The following AFDN variants were observed in gnomAD, a reference collection of about 807,000 sequenced individuals.
AFDN encodes afadin.
Under a neutral mutation model 216.6 loss-of-function variants are expected in AFDN, and 68 were observed. That is an observed-to-expected ratio of 0.31 (90% CI 0.26 to 0.38). AFDN has a LOEUF of 0.38. Among genes scored for constraint, AFDN ranks in the 10% least tolerant of loss-of-function variants. The pLI, the probability that AFDN is intolerant of heterozygous loss-of-function variation, is 1.00. For missense variants in AFDN, 2,136 were observed against 2,342.0 expected (o/e 0.91, Z 1.82); for synonymous variants, 868 against 853.7 (o/e 1.02, Z -0.29).
intron 4 of AFDN, among the ~76,000 whole-genome samples, chr6:167,874,404 G>A (rs1785114370): frequency 6.6e-6 from 1 of 151,986 alleles, no homozygotes; most frequent in Non-Finnish European, 1.5e-5. Context: ...TTTAAAGTAT[G>A]TTTACCAAAA....
chr6:167,856,680 C>T (rs1669282560), intron 1 of AFDN, among the ~76,000 whole-genome samples: 1 of 152,080 alleles, frequency 6.6e-6, no homozygotes, highest in African/African-American at 2.4e-5. Context: ...CATACTGTCT[C>T]ATTTAATTCT....
chr6:167,956,695 C>A (rs1796554692), intron 30 of AFDN, among the ~76,000 whole-genome samples: 1 of 152,218 alleles, frequency 6.6e-6, no homozygotes, highest in Admixed American at 6.5e-5. Context: ...TCAGCCTTCC[C>A]CATTTCAGCT....
chr6:167,939,574 C>T (rs538965804), intron 23 of AFDN, among the ~76,000 whole-genome samples: 2 of 152,294 alleles, frequency 1.3e-5, no homozygotes, highest in East Asian at 3.9e-4. Context: ...AGGTGTTTGT[C>T]TGGTTTGTTC....
intron 1 of AFDN, among the ~76,000 whole-genome samples, chr6:167,849,167 A>C (rs938968816): frequency 6.6e-6 from 1 of 152,228 alleles, no homozygotes; most frequent in African/African-American, 2.4e-5. Flanking sequence ...TAGATAACGC[A>C]TAAAAAGTAC....
intron 30 of AFDN, among the ~76,000 whole-genome samples, chr6:167,956,284 A>G (rs1018742538): frequency 2.0e-5 from 3 of 152,050 alleles, no homozygotes; most frequent in African/African-American, 7.2e-5. Flanking sequence ...TTCTTAAGAT[A>G]TTTTCTTAGA....
chr6:167,953,793 C>T (rs1401543890), intron 30 of AFDN, among the ~76,000 whole-genome samples: 2 of 152,158 alleles, frequency 1.3e-5, no homozygotes, highest in African/African-American at 4.8e-5. Context: ...CCTGGGTGCA[C>T]TAAGATGGAT....
At chr6:167,957,827 T>C (rs2340911) in intron 30 of AFDN, among the ~76,000 whole-genome samples, 69,361 of 151,976 alleles carry the variant, frequency 0.46, 16,458 homozygotes, top group East Asian at 0.8. Flanking sequence ...AGGTGTGTGA[T>C]TCGTGCCTTC....
chr6:167,916,173 T>C (rs963070002), intron 19 of AFDN, among the ~76,000 whole-genome samples: 10 of 152,214 alleles, frequency 6.6e-5, no homozygotes, highest in Non-Finnish European at 8.8e-5. Flanking sequence ...GGCCTGTAGA[T>C]GCATCATCCC....
chr6:167,928,537 T>C (rs1293493744), intron 23 of AFDN, among the ~76,000 whole-genome samples: 1 of 152,222 alleles, frequency 6.6e-6, no homozygotes, highest in African/African-American at 2.4e-5. Flanking sequence ...ATTCTGCCAG[T>C]TATGAACCTG....
chr6:167,827,736 C>G (rs1197778947), intron 1 of AFDN: 1 of 152,130 alleles, frequency 6.6e-6, no homozygotes, highest in Non-Finnish European at 1.5e-5. Context: ...AGGGGAAAGT[C>G]AGTATCACAA....
At chr6:167,964,728 G>C in intron 31 of AFDN, 1 of 1,064,700 alleles carries the variant, frequency 9.4e-7, no homozygotes. Context: ...ACTTTTCACT[G>C]AATGCCAGCA....
chr6:167,827,021 G>T lies in AFDN; in HGVS notation c.-112G>T, dbSNP rs1017111961. Reference sequence around the variant, plus strand: ...CGCGGAGGCGGAGGCAGCCGCGGAGGCGGAGGCGGCCGGCGGGGGGTGGCG... The same window carrying T: ...CGCGGAGGCGGAGGCAGCCGCGGAGTCGGAGGCGGCCGGCGGGGGGTGGCG... On this transcript the variant is annotated 5_prime_UTR_variant, in exon 1 of 34. Transcript: ENST00000683244. 1 of 307,268 alleles carries T rather than the reference G, an allele frequency of 3.3e-6. No homozygotes were observed. Among genetic ancestry groups the T allele is most frequent in the South Asian group, 1.1e-4 (1 of 8,700 alleles). 19.0% of individuals were successfully genotyped at this position (307,268 alleles called of 1,614,324 possible).
chr6:167,876,433 CA>C (rs567139232), intron 5 of AFDN, among the ~76,000 whole-genome samples: 245 of 151,854 alleles, frequency 1.6e-3, no homozygotes, highest in Non-Finnish European at 2.5e-3. Context: ...ATCTATGCAC[CA>C]AAAAAGACAA....
intron 23 of AFDN, among the ~76,000 whole-genome samples, chr6:167,942,716 GTTTT>G (rs1794840447): frequency 6.6e-6 from 1 of 152,104 alleles, no homozygotes; most frequent in African/African-American, 2.4e-5. Flanking sequence ...GCCACAAGAA[GTTTT>G]TTTATCATTT....
intron 8 of AFDN, chr6:167,893,588 C>G (rs147495286): frequency 0.011 from 4,347 of 390,914 alleles, 54 homozygotes; most frequent in Middle Eastern, 0.017. Flanking sequence ...GATTAACTCA[C>G]TGTTGCTGTC....
chr6:167,867,566 A>G (rs1784325004), intron 2 of AFDN, among the ~76,000 whole-genome samples: 1 of 151,560 alleles, frequency 6.6e-6, no homozygotes, highest in Non-Finnish European at 1.5e-5. Context: ...AGTAGCTGGG[A>G]TTACAGGCGC....
chr6:167,947,838 C>G lies in AFDN; in HGVS notation c.3554-15C>G. 6.4e-7 allele frequency: 1 copy of G among 1,572,560 alleles called. No individual in the cohort carries two copies. The highest frequency in any genetic ancestry group is 8.7e-7 in the Non-Finnish European group (1 of 1,149,656). Reference sequence around the variant, plus strand: ...TTAATATTACACTTTTTTTTTTCCCCCCTGACTTGAGCAGATCAGCCTCCT... The same window carrying G: ...TTAATATTACACTTTTTTTTTTCCCGCCTGACTTGAGCAGATCAGCCTCCT... On this transcript the variant is annotated splice_polypyrimidine_tract_variant and intron_variant, in intron 27 of 33. Coordinates refer to ENST00000683244, the MANE Select transcript of AFDN (RefSeq NM_001386888.1).
At chr6:167,964,573 T>C in intron 31 of AFDN, 1 of 1,064,828 alleles carries the variant, frequency 9.4e-7, no homozygotes, top group Non-Finnish European at 1.1e-6. Flanking sequence ...CTTAAGAGTT[T>C]TCTCCCTCAA....
chr6:167,962,698 A>G lies in AFDN; in HGVS notation c.4968+131A>G. On this transcript the variant is annotated intron_variant, in intron 31 of 33. Transcript: ENST00000683244. This position sits in a 1 kb window ranked among gnomAD's most constrained non-coding sequence, Gnocchi z 5.2. ...AGGCAGAGCAGGGCCTGGCTCCCCC[A>G]GCTTTGTGATTGGACCTGCAACTTT... The G allele has an allele frequency of 1.3e-6, 2 of 1,544,798 alleles. No homozygotes were observed. Among genetic ancestry groups the G allele is most frequent in the East Asian group, 2.3e-5 (1 of 44,158 alleles).
Sources: gnomAD v4.1 joint callset for allele counts (sites outside exome capture counted in the v4.1 genomes callset) on GRCh38, gnomAD v4.1.1 for gene constraint, Gnocchi (gnomAD v3.1) non-coding constraint, MANE v1.5 for transcripts, NCBI Gene and HGNC (gene_info 2026-07-23, HGNC 2026-07-21) for gene names.